TONSL: variants seen among roughly 807,000 people sequenced by gnomAD.
TONSL encodes tonsoku like, DNA repair protein.
A neutral mutation model predicts 147.1 loss-of-function variants in TONSL; 112 were observed. That is an observed-to-expected ratio of 0.76 (90% confidence interval 0.65 to 0.89). TONSL has a LOEUF of 0.89. Ranked by LOEUF, TONSL falls within the 40% of genes least tolerant of loss-of-function variation. TONSL has a pLI of 0.00. For synonymous variants in TONSL, 868 were observed against 801.5 expected (o/e 1.08, Z -1.40); for missense variants, 1,883 against 1,864.6 (o/e 1.01, Z -0.18).
intron 24 of TONSL, among the ~76,000 whole-genome samples, chr8:144,430,825 G>A (rs1303578581): frequency 6.6e-6 from 1 of 152,212 alleles, no homozygotes; most frequent in Non-Finnish European, 1.5e-5. Flanking sequence ...CCCTCATGTG[G>A]GCCGAGGCAC....
chr8:144,434,387 C>T, intron 20 of TONSL, 108 bp from the exon 21 acceptor site: 2 of 993,504 alleles, frequency 2.0e-6, no homozygotes, highest in Non-Finnish European at 2.8e-6. Context: ...GGGTCACCCA[C>T]CAGACTTGCT....
chr8:144,430,970 T>G (rs763044071), intron 24 of TONSL, 108 bp downstream of exon 24: 1 of 1,276,710 alleles, frequency 7.8e-7, no homozygotes, highest in Non-Finnish European at 1.1e-6. Flanking sequence ...GGTCTTGGGA[T>G]GTGCTGGGGA....
intron 2 of TONSL, 59 bp from the exon 3 acceptor site, chr8:144,444,083 C>A (rs957513733): frequency 1.5e-6 from 2 of 1,357,494 alleles, no homozygotes; most frequent in African/African-American, 1.5e-5. Context: ...GGCCCTGGGG[C>A]GGCGTCTGCC....
At position 144,438,729 on chromosome 8, in the gene TONSL, T is replaced by C. The variant is rs775263035; in HGVS notation, c.1487A>G (p.Asp496Gly). The change falls in exon 12 of 26, where the codon GAC becomes GGC. Residue 496 changes from aspartate to glycine, a missense_variant. Physicochemically the swap from Asp to Gly is moderately conservative, Grantham distance 94. Coordinates refer to ENST00000409379, the MANE Select transcript of TONSL (RefSeq NM_013432.5). ...CAGCTGCGGGGTCAGGCCATCGGTG[T>C]CGTCCTCTGGAACAGAGCCAAGCCC... ...GEVELSEGED[D>G]TDGLTPQLEE... The C allele has an allele frequency of 6.2e-7, 1 of 1,612,926 alleles. No homozygotes were observed. Among genetic ancestry groups the C allele is most frequent in the East Asian group, 2.2e-5 (1 of 44,864 alleles).
intron 11 of TONSL, among the ~76,000 whole-genome samples, chr8:144,438,979 T>G (rs1823592532): frequency 6.6e-6 from 1 of 152,094 alleles, no homozygotes; most frequent in South Asian, 2.1e-4. Context: ...GACACACCCC[T>G]GAGCTTTCTG....
At position 144,432,825 on chromosome 8, in the gene TONSL, CCA is replaced by C. The variant is rs371231899; in HGVS notation, c.3560-367_3560-366del. On this transcript the variant is annotated intron_variant, in intron 22 of 25. Coordinates refer to ENST00000409379, the MANE Select transcript of TONSL (RefSeq NM_013432.5). Reference sequence around the variant, plus strand: ...TTCCCAGCCTCTTGGCACTGGGACCCCAGTCTCTGCAGCCTGAGTGGGCTCAC... The same window carrying C: ...TTCCCAGCCTCTTGGCACTGGGACCCGTCTCTGCAGCCTGAGTGGGCTCAC... 6.8e-4 allele frequency: 124 copies of C among 183,534 alleles called. 1 individual carries two copies. Among genetic ancestry groups the C allele is most frequent in the South Asian group, 4.6e-3 (26 of 5,708 alleles). 11.4% of individuals were successfully genotyped at this position (183,534 alleles called of 1,614,324 possible). A position where few individuals can be genotyped will look rare whatever the true frequency, so the allele number is the denominator to read the frequency against.
chr8:144,432,610 C>T (rs545036088), intron 22 of TONSL, 150 bp from the exon 23 acceptor site: 13 of 738,052 alleles, frequency 1.8e-5, no homozygotes, highest in African/African-American at 1.3e-4. Context: ...CAAAGGCTCT[C>T]GCCCAGATTC....
At position 144,432,371 on chromosome 8, in the gene TONSL, T is replaced by C. The variant is rs200996902; in HGVS notation, c.3649A>G (p.Thr1217Ala). ...ARTLQSLPAG[T>A]LLHLELSSVA... ...GAGCTGAGCTCTAAGTGCAGGAGGG[T>C]GCCGGCGGGCAGGCTCTGCAGGGTC... The change falls in exon 23 of 26, where the codon ACC becomes GCC. Residue 1217 changes from threonine to alanine, a missense_variant. By Grantham distance (58) the Thr-to-Ala change is moderately conservative (BLOSUM62 0). Coordinates refer to ENST00000409379, the MANE Select transcript of TONSL (RefSeq NM_013432.5). The C allele has an allele frequency of 8.9e-5, 143 of 1,612,632 alleles. No individual in the cohort carries two copies. The Admixed American group carries it at 2.1e-3, about 24-fold the overall frequency.
chr8:144,438,797 C>T (rs1586692615), intron 11 of TONSL, 62 bp from the exon 12 acceptor site: 9 of 1,541,942 alleles, frequency 5.8e-6, no homozygotes, highest in East Asian at 4.7e-5. Flanking sequence ...GCAGCCCCCA[C>T]CCTGCTGCAA....
In TONSL at chr8:144,442,253, C is replaced by A; in HGVS notation, c.738G>T (p.Val246=). Residue 246 remains valine (V), a synonymous_variant, in exon 6 of 26, where the codon GTG becomes GTT. Coordinates refer to ENST00000409379, the MANE Select transcript of TONSL (RefSeq NM_013432.5). ...GCACAGCGGGTACCTGTGCAATAACCACGCAGCACTCGCTCTCCATGAACC... is the reference window on the plus strand; with the variant it reads ...GCACAGCGGGTACCTGTGCAATAACAACGCAGCACTCGCTCTCCATGAACC... ...RKRFMESECC[V]VIAQVLQDLG... The A allele has an allele frequency of 6.3e-7, 1 of 1,588,860 alleles. No individual in the cohort carries two copies. The highest frequency in any genetic ancestry group is 1.1e-5 in the South Asian group (1 of 89,056).
At position 144,438,625 on chromosome 8, in the gene TONSL, G is replaced by A. The variant is rs779190969; in HGVS notation, c.1563+28C>T. 14 of 1,612,348 alleles carry A rather than the reference G, an allele frequency of 8.7e-6. No homozygotes were observed. The East Asian group carries it at 3.1e-4, about 36-fold the overall frequency. ...GGAGCTGGCAGGGCTGCTGAGCGGG[G>A]TGGGTGGGGGCAGGGCACTGTCCTC... On this transcript the variant is annotated intron_variant, in intron 12 of 25. Coordinates refer to ENST00000409379, the MANE Select transcript of TONSL (RefSeq NM_013432.5).
chr8:144,444,168 C>A lies in TONSL; in HGVS notation c.121+12G>T. 1 of 1,433,016 alleles carries A rather than the reference C, an allele frequency of 7.0e-7. No homozygotes were observed. The highest frequency in any genetic ancestry group is 1.4e-5 in the South Asian group (1 of 72,328). 88.8% of individuals were successfully genotyped at this position (1,433,016 alleles called of 1,614,324 possible). A position where few individuals can be genotyped will look rare whatever the true frequency, so the allele number is the denominator to read the frequency against. ...CCGGCCCTGCCTCCCGCCTCCTGGT[C>A]CCGGCGCTCACCATGGCCGGCCAGG... On this transcript the variant is annotated intron_variant, in intron 2 of 25. Transcript: ENST00000409379.
At position 144,440,764 on chromosome 8, in the gene TONSL, C is replaced by T. The variant is rs145900712; in HGVS notation, c.1118G>A (p.Arg373His). 100 of 1,612,902 alleles carry T rather than the reference C, an allele frequency of 6.2e-5. No individual in the cohort carries two copies. Among genetic ancestry groups the T allele is most frequent in the Admixed American group, 2.2e-4 (13 of 60,022 alleles). ...GDMKDHHGAVRHYEEELRLRS... is the reference protein window; with the variant it reads ...GDMKDHHGAVHHYEEELRLRS... ...CAGCCTCAGTTCCTCCTCATAGTGG[C>T]GCACGGCCCCATGGTGGTCCTTCAT... The change falls in exon 9 of 26, where the codon CGC (arginine) becomes CAC (histidine). Residue 373 changes from arginine (R) to histidine (H), a missense_variant. Physicochemically the swap from Arg to His is conservative, Grantham distance 29. Transcript: ENST00000409379.
Position 144,435,085 on chromosome 8 carries a change from G to C in TONSL, c.2938C>G (p.Leu980Val), listed in dbSNP as rs760774514. 4 of 1,606,958 alleles carry C rather than the reference G, an allele frequency of 2.5e-6. No individual in the cohort carries two copies. The highest frequency in any genetic ancestry group is 2.5e-6 in the Non-Finnish European group (3 of 1,177,366). ...QTCGLLPRLT[L>V]RKEGALLAPQ... ...GCCAGCAGGGCCCCCTCTTTCCGTA[G>C]GGTGAGCCTGGGCAGCAGCCCGCAG... The change falls in exon 19 of 26, where the codon CTA becomes GTA. Residue 980 changes from leucine (L) to valine (V), a missense_variant. Transcript: ENST00000409379.
At position 144,432,475 on chromosome 8, in the gene TONSL, G is replaced by T; in HGVS notation, c.3560-15C>A. 1 of 1,521,630 alleles carries T rather than the reference G, an allele frequency of 6.6e-7. No individual in the cohort carries two copies. The highest frequency in any genetic ancestry group is 1.3e-5 in the South Asian group (1 of 76,704). 94.3% of individuals were successfully genotyped at this position (1,521,630 alleles called of 1,614,324 possible). On this transcript the variant is annotated splice_polypyrimidine_tract_variant and intron_variant, in intron 22 of 25. Coordinates refer to ENST00000409379, the MANE Select transcript of TONSL (RefSeq NM_013432.5). ...GTGCTCAGCATCTGCACCGGGGCCAGAATCCGTCAGCCCCACGTGGCCACA... is the reference window on the plus strand; with the variant it reads ...GTGCTCAGCATCTGCACCGGGGCCATAATCCGTCAGCCCCACGTGGCCACA...
rs761655996 is a variant in TONSL at position 144,442,073 on chromosome 8, C to G, written c.829G>C (p.Val277Leu). The change falls in exon 7 of 26, where the codon GTG becomes CTG. Residue 277 changes from valine (V) to leucine (L), a missense_variant. Transcript: ENST00000409379. ...KAYRLGSQKP[V>L]QRAAICQNLQ... ...TTCTGACAGATGGCTGCCCTCTGCACAGGCTTCTGGGAGCCCAGCCTGTAG... is the reference window on the plus strand; with the variant it reads ...TTCTGACAGATGGCTGCCCTCTGCAGAGGCTTCTGGGAGCCCAGCCTGTAG... 3 of 1,612,840 alleles carry G rather than the reference C, an allele frequency of 1.9e-6. No homozygotes were observed. The highest frequency in any genetic ancestry group is 1.7e-5 in the Admixed American group (1 of 60,016).
At chr8:144,440,267 T>G in intron 10 of TONSL, 57 bp from the exon 11 acceptor site, 1 of 1,555,494 alleles carries the variant, frequency 6.4e-7, no homozygotes, top group Non-Finnish European at 8.7e-7. Context: ...CAGAGAAAGA[T>G]GGGGATGGGG....
rs376924801 is a variant in TONSL at position 144,435,002 on chromosome 8, C to T, written c.3006+15G>A. 8.8e-5 allele frequency: 142 copies of T among 1,612,116 alleles called. 1 individual carries two copies. The South Asian group carries it at 9.0e-4, about 10-fold the overall frequency. ...GTGCCTGAGGCCCTGGCTCCCCCTC[C>T]GCTCTGCGGCTCACCTCGTCATTGC... On this transcript the variant is annotated intron_variant, in intron 19 of 25. Transcript: ENST00000409379.
rs1823808320 is a variant in TONSL, at chr8:144,443,877, C to T, written c.264+5G>A. The T allele has an allele frequency of 7.8e-6, 12 of 1,544,510 alleles. No individual in the cohort carries two copies. Among genetic ancestry groups the T allele is most frequent in the African/African-American group, 1.4e-5 (1 of 73,036 alleles). On this transcript the variant is annotated splice_donor_5th_base_variant and intron_variant, in intron 3 of 25. Coordinates refer to ENST00000409379, the MANE Select transcript of TONSL (RefSeq NM_013432.5). ...GCTGGACGAGGCCAGTGAGGGCGCC[C>T]GCACCTGCAAGGCAGCCGGGTAGTC...
Sources: allele counts gnomAD v4.1 joint callset (sites outside exome capture counted in the v4.1 genomes callset), GRCh38; gene constraint gnomAD v4.1.1; transcripts MANE v1.5; gene names NCBI Gene and HGNC (gene_info 2026-07-23, HGNC 2026-07-21).